ECD: variants seen among roughly 807,000 people sequenced by gnomAD.
The protein encoded by ECD is ecdysoneless cell cycle regulator.
In ECD, 59 loss-of-function variants were observed where a neutral mutation model predicts 77.2. The observed-to-expected ratio is 0.76, with a 90% CI of 0.62 to 0.95. ECD has a LOEUF of 0.95. Among genes scored for constraint, ECD ranks in the 40% least tolerant of loss-of-function variants. The pLI is 0.00. For missense variants in ECD, 704 were observed against 763.4 expected (o/e 0.92, Z 0.92); for synonymous variants, 233 against 267.4 (o/e 0.87, Z 1.26).
At chr10:73,143,167 AT>A (rs1843080081) in intron 9 of ECD, among the ~76,000 whole-genome samples, 1 of 152,150 alleles carries the variant, frequency 6.6e-6, no homozygotes, top group South Asian at 2.1e-4. Flanking sequence ...GTATCTATAA[AT>A]AATGTATTGT....
rs1843268737 is a variant in ECD, at chr10:73,154,400, A to G, written c.639T>C (p.Leu213=). 6.2e-7 allele frequency: 1 copy of G among 1,613,686 alleles called. No individual in the cohort carries two copies. Among genetic ancestry groups the G allele is most frequent in the Non-Finnish European group, 8.5e-7 (1 of 1,179,946 alleles). ...QASLHRAHCF[L]PAGIVAVLKQ... ...TTAGCACTGCCACAATGCCAGCTGG[A>G]AGGAAGCAGTGTGCTCGATGAAGTG... The change falls in exon 6 of 14, where the codon CTT becomes CTC. Residue 213 remains leucine (L), a synonymous_variant. Transcript: ENST00000372979.
chr10:73,159,121 G>GT (rs1275700886), intron 3 of ECD, among the ~76,000 whole-genome samples: 2 of 152,094 alleles, frequency 1.3e-5, no homozygotes, highest in South Asian at 4.1e-4. Flanking sequence ...GTTTTCAAAG[G>GT]TTTTTTTCTC....
chr10:73,137,804 G>C (rs1051610601), intron 12 of ECD, among the ~76,000 whole-genome samples, 199 bp downstream of exon 12: 1 of 151,314 alleles, frequency 6.6e-6, no homozygotes, highest in Non-Finnish European at 1.5e-5. Context: ...TTAATGAGCA[G>C]CTACTATATA....
chr10:73,138,574 G>GT (rs111768045), intron 11 of ECD, among the ~76,000 whole-genome samples: 2,019 of 147,492 alleles, frequency 0.014, 41 homozygotes, highest in African/African-American at 0.045. Context: ...TTTTTGTTTT[G>GT]TTTTTTTTTT....
chr10:73,155,311 C>G (rs1589119489), intron 5 of ECD, among the ~76,000 whole-genome samples: 1 of 151,974 alleles, frequency 6.6e-6, no homozygotes, highest in Non-Finnish European at 1.5e-5. Flanking sequence ...TGTGATCCAC[C>G]CGCCCTGGCC....
rs768020117 is a variant in ECD at position 73,139,717 on chromosome 10, C to T, written c.1148G>A (p.Gly383Asp). The T allele has an allele frequency of 3.7e-6, 6 of 1,605,830 alleles. No individual in the cohort carries two copies. In the African/African-American group the frequency reaches 4.0e-5, roughly 11 times the overall value. Residue 383 changes from glycine (G) to aspartate (D), a missense_variant, in exon 10 of 14, where the codon GGT becomes GAT. By Grantham distance (94) the Gly-to-Asp change is moderately conservative. This residue lies in a region of ECD where 559 missense variants were observed against 583.7 expected (regional missense o/e 0.96). Coordinates refer to ENST00000372979, the MANE Select transcript of ECD (RefSeq NM_007265.3). ...WPESSLAMSP[G>D]EEILTLLQTI... ...CTGTAATAAGGTTAAGATTTCTTCA[C>T]CAGGGCTCATAGCAAGAGAACTATG...
chr10:73,146,410 G>GA, intron 8 of ECD, 49 bp from the exon 9 acceptor site: 13 of 1,345,358 alleles, frequency 9.7e-6, no homozygotes, highest in South Asian at 4.1e-5. Context: ...AAGTTGTCAT[G>GA]AAAAAAATGT....
Position 73,163,795 on chromosome 10 carries a change from G to A in ECD, c.143C>T (p.Pro48Leu). 6.2e-7 allele frequency: 1 copy of A among 1,614,140 alleles called. No individual in the cohort carries two copies. The highest frequency in any genetic ancestry group is 2.2e-5 in the East Asian group (1 of 44,868). The change falls in exon 2 of 14, where the codon CCT becomes CTT. Residue 48 changes from proline to leucine, a missense_variant. Around this residue, in one of 3 missense-constraint regions of ECD, gnomAD observed 559 missense variants for 583.7 expected, o/e 0.96. Transcript: ENST00000372979. The part of the protein sequence containing the change: ...YIERIITRFA[P>L]MLVPYIWQNQ... ...CTGCCAGATGTAGGGGACCAGCATAGGTGCAAACCGAGTGATTATTCTCTC... is the reference window on the plus strand; with the variant it reads ...CTGCCAGATGTAGGGGACCAGCATAAGTGCAAACCGAGTGATTATTCTCTC...
At chr10:73,138,413 T>C (rs1405981250) in intron 11 of ECD, among the ~76,000 whole-genome samples, 1 of 152,248 alleles carries the variant, frequency 6.6e-6, no homozygotes, top group East Asian at 1.9e-4. Context: ...CCTGTTCTTT[T>C]AAGAACTAAA....
At chr10:73,139,190 A>C (rs927338179) in intron 11 of ECD, 119 bp downstream of exon 11, 7 of 1,003,130 alleles carry the variant, frequency 7.0e-6, no homozygotes, top group Admixed American at 6.3e-5. Flanking sequence ...CACAAAAAAG[A>C]AAGCAAGCAG....
intron 9 of ECD, among the ~76,000 whole-genome samples, chr10:73,142,191 T>G (rs1460049477): frequency 6.6e-6 from 1 of 151,982 alleles, no homozygotes; most frequent in Non-Finnish European, 1.5e-5. Flanking sequence ...GTATTTGTAG[T>G]AGAGATGGGG....
intron 3 of ECD, 137 bp downstream of exon 3, chr10:73,160,297 A>AG: frequency 2.0e-6 from 1 of 493,992 alleles, no homozygotes. Flanking sequence ...AAAAAAAAAA[A>AG]AGAGCACAGA....
In ECD at chr10:73,146,326, C is replaced by T. The variant is rs1245860627; in HGVS notation, c.1077G>A (p.Arg359=). The change falls in exon 9 of 14, where the codon AGG becomes AGA. Residue 359 remains arginine, a synonymous_variant. Coordinates refer to ENST00000372979, the MANE Select transcript of ECD (RefSeq NM_007265.3). ...GGAAGTAATTCTCTGCCATTTCTAGCCTTTCCCGGTACTGAGCAGAACCTT... is the reference window on the plus strand; with the variant it reads ...GGAAGTAATTCTCTGCCATTTCTAGTCTTTCCCGGTACTGAGCAGAACCTT... The part of the protein sequence containing the change: ...LIEGSAQYRE[R]LEMAENYFQL... 67 of 1,610,864 alleles carry T rather than the reference C, an allele frequency of 4.2e-5. No homozygotes were observed. The highest frequency in any genetic ancestry group is 5.7e-5 in the Non-Finnish European group (67 of 1,178,062).
Position 73,134,803 on chromosome 10 carries a change from G to C in ECD, c.1715C>G (p.Ser572Cys), listed in dbSNP as rs757883984. The C allele has an allele frequency of 2.5e-6, 4 of 1,613,990 alleles. No individual in the cohort carries two copies. The highest frequency in any genetic ancestry group is 3.4e-6 in the Non-Finnish European group (4 of 1,179,908). The change falls in exon 14 of 14, where the codon TCC becomes TGC. Residue 572 changes from serine to cysteine, a missense_variant. Ser to Cys is a moderately radical substitution (Grantham distance 112). Coordinates refer to ENST00000372979, the MANE Select transcript of ECD (RefSeq NM_007265.3). ...ATCTGAATTGTTATCGGTAGTCTGG[G>C]ATACAGGTTCCTTATTCATAGAGGG... ...FTTRNQVEPVSQTTDNNSDEE... is the reference protein window; with the variant it reads ...FTTRNQVEPVCQTTDNNSDEE...
chr10:73,153,114 C>T (rs1199611004), intron 6 of ECD, among the ~76,000 whole-genome samples: 4 of 151,946 alleles, frequency 2.6e-5, no homozygotes, highest in Admixed American at 1.3e-4. Flanking sequence ...GATAGGGTTT[C>T]ACCATGCTGG....
chr10:73,156,188 A>C (rs182738468), intron 5 of ECD, 87 bp downstream of exon 5: 2 of 1,284,582 alleles, frequency 1.6e-6, no homozygotes, highest in Admixed American at 2.5e-5. Flanking sequence ...CAGAGCTTTA[A>C]GGAAAACAAA....
At chr10:73,158,007 G>A (rs1261110845) in intron 3 of ECD, among the ~76,000 whole-genome samples, 1 of 151,050 alleles carries the variant, frequency 6.6e-6, no homozygotes, top group Non-Finnish European at 1.5e-5. Flanking sequence ...TGTCGCACAG[G>A]CTGGAATGTA....
chr10:73,161,833 C>T (rs1843384782), intron 2 of ECD, among the ~76,000 whole-genome samples: 1 of 152,052 alleles, frequency 6.6e-6, no homozygotes, highest in Non-Finnish European at 1.5e-5. Context: ...GATTATTCAC[C>T]ACGACCAAGC....
chr10:73,152,354 C>A lies in ECD; in HGVS notation c.851G>T (p.Gly284Val). The A allele has an allele frequency of 1.2e-6, 2 of 1,613,942 alleles. No homozygotes were observed. Among genetic ancestry groups the A allele is most frequent in the African/African-American group, 1.3e-5 (1 of 75,024 alleles). The change falls in exon 7 of 14, where the codon GGA becomes GTA. Residue 284 changes from glycine (G) to valine (V), a missense_variant. Physicochemically the swap from Gly to Val is moderately radical, Grantham distance 109. Transcript: ENST00000372979. ...QQRFVPDRRS[G>V]YRLPPPSDPQ... ...ATCAGATGGAGGAGGCAGCCTGTAT[C>A]CACTCCGCCGGTCTGGCACAAACCT... is the stretch of plus-strand genomic sequence containing the variant.
Sources: allele counts gnomAD v4.1 joint callset (sites outside exome capture counted in the v4.1 genomes callset), GRCh38; gene constraint gnomAD v4.1.1; regional missense constraint gnomAD v4.1.1; transcripts MANE v1.5; gene names NCBI Gene and HGNC (gene_info 2026-07-23, HGNC 2026-07-21).